DAAM2: variants seen among roughly 807,000 people sequenced by gnomAD.
DAAM2 encodes the protein dishevelled associated activator of morphogenesis 2.
In DAAM2, 39 loss-of-function variants were observed where a neutral mutation model predicts 120.7. The ratio of observed to expected loss-of-function variants is 0.32; its 90% CI spans 0.25 to 0.42. The LOEUF (loss-of-function observed/expected upper bound fraction) is 0.42, where lower values mean the gene tolerates loss of function less well. Among genes scored for constraint, DAAM2 ranks in the 10% least tolerant of loss-of-function variants. The pLI is 1.00. For missense variants in DAAM2, 1,283 were observed against 1,401.7 expected, an observed-to-expected ratio of 0.92 and a Z score of 1.35; for synonymous variants, 488 against 524.9, an observed-to-expected ratio of 0.93 and a Z score of 0.96.
At chr6:39,805,849 G>A (rs929069540) in intron 1 of DAAM2, among the ~76,000 whole-genome samples, 2 of 152,248 alleles carry the variant, frequency 1.3e-5, no homozygotes, top group East Asian at 3.9e-4. Context: ...ACCGTGCCCG[G>A]CCCCTAAGGT....
chr6:39,844,711 G>A (rs973076861), intron 1 of DAAM2, among the ~76,000 whole-genome samples: 2 of 152,090 alleles, frequency 1.3e-5, no homozygotes, highest in Non-Finnish European at 2.9e-5. Context: ...CTTTATAAAC[G>A]AAGAGCGGGC....
chr6:39,904,131 C>G lies in DAAM2; in HGVS notation c.*2094C>G, dbSNP rs1766645206. The G allele has an allele frequency of 4.4e-6, 2 of 451,482 alleles. No individual in the cohort carries two copies. The highest frequency in any genetic ancestry group is 4.5e-6 in the Non-Finnish European group (1 of 224,304). 28.0% of individuals were successfully genotyped at this position (451,482 alleles called of 1,614,324 possible). A position where few individuals can be genotyped will look rare whatever the true frequency, so the allele number is the denominator to read the frequency against. ...TGGCATTCCCACCCACCATGGAAGA[C>G]TGGATACGCACCTGGAAACAAAAGG... On this transcript the variant is annotated 3_prime_UTR_variant, in exon 25 of 25. Transcript: ENST00000274867.
intron 1 of DAAM2, among the ~76,000 whole-genome samples, chr6:39,794,049 C>T (rs1344467842): frequency 3.3e-5 from 5 of 152,070 alleles, no homozygotes; most frequent in African/African-American, 1.2e-4. Flanking sequence ...TAAATTGAAC[C>T]CCAGGGAAGC....
rs576972712 is a variant in DAAM2, at chr6:39,879,166, G to C, written c.1546-12G>C. ...ATGGCTTTGTCCTTGCAATTTTTCTGTTTCCTCACAGACAGGCCCTGTATC... is the reference window on the plus strand; with the variant it reads ...ATGGCTTTGTCCTTGCAATTTTTCTCTTTCCTCACAGACAGGCCCTGTATC... On this transcript the variant is annotated splice_polypyrimidine_tract_variant and intron_variant, in intron 13 of 24. Coordinates refer to ENST00000274867, the MANE Select transcript of DAAM2 (RefSeq NM_001201427.2). 154 of 1,526,036 alleles carry C rather than the reference G, an allele frequency of 1.0e-4. 1 individual carries two copies. The African/African-American group carries it at 2.0e-3, about 19-fold the overall frequency. 94.5% of individuals were successfully genotyped at this position (1,526,036 alleles called of 1,614,324 possible). A position where few individuals can be genotyped will look rare whatever the true frequency, so the allele number is the denominator to read the frequency against.
At chr6:39,856,602 C>T (rs1764015993) in intron 2 of DAAM2, 132 bp downstream of exon 2, 1 of 613,818 alleles carries the variant, frequency 1.6e-6, no homozygotes, top group Admixed American at 4.3e-5. Context: ...GAGATAGGCC[C>T]CCAGGACACC....
At chr6:39,835,707 G>C (rs746696096) in intron 1 of DAAM2, among the ~76,000 whole-genome samples, 1 of 152,236 alleles carries the variant, frequency 6.6e-6, no homozygotes, top group East Asian at 1.9e-4. Flanking sequence ...AAAGAGACAG[G>C]GGCATGGGTT....
chr6:39,895,879 A>C (rs1766050467), intron 19 of DAAM2, among the ~76,000 whole-genome samples: 1 of 152,242 alleles, frequency 6.6e-6, no homozygotes, highest in African/African-American at 2.4e-5. Context: ...GAAAATGGTT[A>C]AGATGCCCAA....
intron 1 of DAAM2, among the ~76,000 whole-genome samples, chr6:39,823,472 T>G (rs1762559070): frequency 6.6e-6 from 1 of 152,186 alleles, no homozygotes; most frequent in South Asian, 2.1e-4. Context: ...TTCAGATTGG[T>G]GTGCTCTGCT....
intron 1 of DAAM2, among the ~76,000 whole-genome samples, chr6:39,812,956 G>A (rs546967870): frequency 3.3e-5 from 5 of 152,090 alleles, no homozygotes; most frequent in East Asian, 3.9e-4. Context: ...AAAGGGGATC[G>A]TAGTCCAGTC....
rs191567580 is a variant in DAAM2, at chr6:39,858,684, C to T, written c.168+2214C>T. 1.8e-3 allele frequency among the ~76,000 whole-genome samples: 270 copies of T among 152,250 alleles called. 4 individuals carry two copies. Among genetic ancestry groups the T allele is most frequent in the Admixed American group, 0.015 (235 of 15,300 alleles). ...TACATACTTAGAACAGTGCCTGGTACATAGTAACTCTACATAAGTACATCA... is the reference window on the plus strand; with the variant it reads ...TACATACTTAGAACAGTGCCTGGTATATAGTAACTCTACATAAGTACATCA... On this transcript the variant is annotated intron_variant, in intron 2 of 24. Coordinates refer to ENST00000274867, the MANE Select transcript of DAAM2 (RefSeq NM_001201427.2).
Position 39,856,482 on chromosome 6 carries a change from G to T in DAAM2, c.168+12G>T. ...TTGCAGAGCTGGTGGTCAGTGAGAG[G>T]GTGGGGAGAGACAGTGACAATGGGG... On this transcript the variant is annotated intron_variant, in intron 2 of 24. Coordinates refer to ENST00000274867, the MANE Select transcript of DAAM2 (RefSeq NM_001201427.2). 2 of 1,430,564 alleles carry T rather than the reference G, an allele frequency of 1.4e-6. No homozygotes were observed. The highest frequency in any genetic ancestry group is 2.7e-5 in the Admixed American group (1 of 36,964). 88.6% of individuals were successfully genotyped at this position (1,430,564 alleles called of 1,614,324 possible).
intron 1 of DAAM2, among the ~76,000 whole-genome samples, chr6:39,825,438 G>A (rs1430031631): frequency 1.7e-5 from 2 of 120,746 alleles, no homozygotes; most frequent in Admixed American, 9.1e-5. Flanking sequence ...ACACAAGGTC[G>A]GGGGGTTGGT....
At chr6:39,833,780 A>AG (rs1321463449) in intron 1 of DAAM2, among the ~76,000 whole-genome samples, 1 of 152,210 alleles carries the variant, frequency 6.6e-6, no homozygotes, top group Non-Finnish European at 1.5e-5. Flanking sequence ...AAGAAAGAAA[A>AG]GGAAAAAAAA....
rs141980807 is a variant in DAAM2, at chr6:39,863,338, T to G, written c.259-1095T>G. Among the ~76,000 whole-genome samples the G allele has an allele frequency of 3.0e-4, 46 of 152,270 alleles. No individual in the cohort carries two copies. The East Asian group carries it at 8.3e-3, about 27-fold the overall frequency. ...GCCTTCAGTCATGGAGAATTTAACA[T>G]GTATAACCATGATTAAATTTAACAT... On this transcript the variant is annotated intron_variant, in intron 3 of 24. Transcript: ENST00000274867.
rs750142795 is a variant in DAAM2, at chr6:39,891,463, TGGTGGGGATTCAAGCA to T, written c.2252+24_2252+39del. On this transcript the variant is annotated intron_variant, in intron 18 of 24. Coordinates refer to ENST00000274867, the MANE Select transcript of DAAM2 (RefSeq NM_001201427.2). ...AAATGAGCAGGTTGGGCCATGGGCA[TGGTGGGGATTCAAGCA>T]GGTGGGGTTCTGGCAGGTGGGGCAG... is the stretch of plus-strand genomic sequence containing the variant. 12 of 1,591,888 alleles carry T rather than the reference TGGTGGGGATTCAAGCA, an allele frequency of 7.5e-6. No homozygotes were observed. The Admixed American group carries it at 1.6e-4, about 21-fold the overall frequency.
chr6:39,873,259 G>T lies in DAAM2; in HGVS notation c.1066G>T (p.Ala356Ser), dbSNP rs938555716. Residue 356 changes from alanine (A) to serine (S), a missense_variant, in exon 10 of 25, where the codon GCT becomes TCT. Ala to Ser is a moderately conservative substitution (Grantham distance 99). This residue lies in a region of DAAM2 where 338 missense variants were observed against 443.9 expected (regional missense o/e 0.76). Transcript: ENST00000274867. ...FDMVHIDTKS[A>S]SQMFELIHKK... Reference sequence around the variant, plus strand: ...CCAGGTCCACATCGACACCAAGAGTGCTTCCCAGATGTTTGAGTTGATCCA... The same window carrying T: ...CCAGGTCCACATCGACACCAAGAGTTCTTCCCAGATGTTTGAGTTGATCCA... 1.2e-6 allele frequency: 2 copies of T among 1,612,784 alleles called. No individual in the cohort carries two copies. The highest frequency in any genetic ancestry group is 2.7e-5 in the African/African-American group (2 of 74,918).
chr6:39,839,320 T>C (rs1221387572), intron 1 of DAAM2, among the ~76,000 whole-genome samples: 1 of 152,176 alleles, frequency 6.6e-6, no homozygotes, highest in East Asian at 1.9e-4. Context: ...TCGTAGGTCT[T>C]CCCCCCAGAT....
At chr6:39,861,089 C>T in intron 3 of DAAM2, 72 bp downstream of exon 3, 1 of 1,063,588 alleles carries the variant, frequency 9.4e-7, no homozygotes, top group East Asian at 2.6e-5. Context: ...CCTTGGCATG[C>T]TCATGCATTC....
At chr6:39,880,645 TG>T (rs138815806) in intron 14 of DAAM2, among the ~76,000 whole-genome samples, 7,611 of 152,268 alleles carry the variant, frequency 0.05, 390 homozygotes, top group East Asian at 0.21. Flanking sequence ...TCACTCAACT[TG>T]TCTGTAAGTC....
Sources: gnomAD v4.1 joint callset for allele counts (sites outside exome capture counted in the v4.1 genomes callset) on GRCh38, gnomAD v4.1.1 for gene constraint, gnomAD v4.1.1 regional missense constraint, MANE v1.5 for transcripts, NCBI Gene and HGNC (gene_info 2026-07-23, HGNC 2026-07-21) for gene names.